CENPE: variants seen among roughly 807,000 people sequenced by gnomAD.
CENPE encodes the protein centromere-associated protein E.
Under a neutral mutation model 336.1 loss-of-function variants are expected in CENPE, and 145 were observed. The observed-to-expected ratio is 0.43, with a 90% CI of 0.38 to 0.50. The LOEUF is 0.50. Ranked by LOEUF, CENPE falls within the 20% of genes least tolerant of loss-of-function variation. CENPE has a pLI of 0.00. For synonymous variants in CENPE, 1,013 were observed against 984.8 expected (o/e 1.03, Z -0.54); for missense variants, 2,719 against 3,023.3 (o/e 0.90, Z 2.36).
At chr4:103,115,793 C>A (rs940204800) in intron 45 of CENPE, among the ~76,000 whole-genome samples, 2 of 146,786 alleles carry the variant, frequency 1.4e-5, no homozygotes, top group African/African-American at 5.1e-5. Flanking sequence ...TGCAGTGGTG[C>A]GATCTCGGCT....
At chr4:103,145,748 C>T in intron 30 of CENPE, 67 bp from the exon 31 acceptor site, 1 of 1,507,426 alleles carries the variant, frequency 6.6e-7, no homozygotes, top group Non-Finnish European at 8.9e-7. Context: ...GTAATTAACT[C>T]CCCTTTCCAA....
intron 44 of CENPE, among the ~76,000 whole-genome samples, chr4:103,118,081 C>T (rs899171138): frequency 2.6e-5 from 4 of 152,204 alleles, no homozygotes; most frequent in Non-Finnish European, 5.9e-5. Context: ...CTCAGCTCAT[C>T]TGAGTAAATA....
intron 42 of CENPE, among the ~76,000 whole-genome samples, chr4:103,127,421 G>A (rs183842560): frequency 6.6e-6 from 1 of 152,232 alleles, no homozygotes; most frequent in Admixed American, 6.5e-5. Flanking sequence ...TTTGCTGTCA[G>A]TAGACTGGTC....
chr4:103,184,804 T>C lies in CENPE; in HGVS notation c.745+1006A>G, dbSNP rs555431003. ...CTTTTTGGAATTTTCCTGGCTACTC[T>C]TGTCTGTTTTTATGTTTCCATACAA... On this transcript the variant is annotated intron_variant, in intron 9 of 48. Transcript: ENST00000265148. Among the ~76,000 whole-genome samples, 9 of 152,312 alleles carry C rather than the reference T, an allele frequency of 5.9e-5. No individual in the cohort carries two copies. The East Asian group carries it at 9.6e-4, about 16-fold the overall frequency.
rs1756312272 is a variant in CENPE, at chr4:103,181,362, A to G, written c.1058T>C (p.Met353Thr). The change falls in exon 12 of 49, where the codon ATG (methionine) becomes ACG (threonine). Residue 353 changes from methionine to threonine, a missense_variant. Physicochemically the swap from Met to Thr is moderately conservative, Grantham distance 81 (BLOSUM62 -1). This residue lies in a region of CENPE where 117 missense variants were observed against 215.8 expected (regional missense o/e 0.54). Coordinates refer to ENST00000265148, the MANE Select transcript of CENPE (RefSeq NM_001813.3). ...CTCCTCTAATTGTTTTTTAAGATCCATTATTTCTTTTCTATACCTTTTCAG... is the reference window on the plus strand; with the variant it reads ...CTCCTCTAATTGTTTTTTAAGATCCGTTATTTCTTTTCTATACCTTTTCAG... ...ALLKRYRKEI[M>T]DLKKQLEEVS... 3 of 1,545,668 alleles carry G rather than the reference A, an allele frequency of 1.9e-6. No individual in the cohort carries two copies. Among genetic ancestry groups the G allele is most frequent in the Non-Finnish European group, 2.6e-6 (3 of 1,138,512 alleles).
intron 47 of CENPE, among the ~76,000 whole-genome samples, chr4:103,109,459 T>C (rs902541800): frequency 7.9e-5 from 12 of 152,170 alleles, no homozygotes; most frequent in Non-Finnish European, 1.8e-4. Flanking sequence ...TAGATGAATC[T>C]TTGATGTACC....
chr4:103,116,063 A>G (rs774505763), intron 45 of CENPE, among the ~76,000 whole-genome samples: 11 of 152,152 alleles, frequency 7.2e-5, no homozygotes, highest in African/African-American at 1.2e-4. Flanking sequence ...TCATTATGCT[A>G]TACCACAAAG....
chr4:103,180,388 C>T lies in CENPE; in HGVS notation c.1165G>A (p.Val389Ile). ...AAGTTTTCAATTTTCTCATTCTGTA[C>T]TTTCTGAAGCAAATCTTTTTCTTCC... Reference protein sequence around the residue: ...LLEEKDLLQKVQNEKIENLTR... With the variant: ...LLEEKDLLQKIQNEKIENLTR... The change falls in exon 13 of 49, where the codon GTA becomes ATA. Residue 389 changes from valine to isoleucine, a missense_variant. Coordinates refer to ENST00000265148, the MANE Select transcript of CENPE (RefSeq NM_001813.3). 2 of 1,613,186 alleles carry T rather than the reference C, an allele frequency of 1.2e-6. No homozygotes were observed. Among genetic ancestry groups the T allele is most frequent in the Non-Finnish European group, 1.7e-6 (2 of 1,179,470 alleles).
chr4:103,188,244 A>G (rs1756978736), intron 8 of CENPE, among the ~76,000 whole-genome samples: 1 of 152,224 alleles, frequency 6.6e-6, no homozygotes, highest in Non-Finnish European at 1.5e-5. Context: ...AACGAGACAG[A>G]AAGTTAACAA....
intron 42 of CENPE, among the ~76,000 whole-genome samples, chr4:103,129,488 C>T (rs950198077): frequency 6.6e-6 from 1 of 152,074 alleles, no homozygotes; most frequent in African/African-American, 2.4e-5. Context: ...CCTGTAATCC[C>T]AGTACTTTGG....
At chr4:103,128,730 G>A (rs1352558906) in intron 42 of CENPE, among the ~76,000 whole-genome samples, 3 of 152,178 alleles carry the variant, frequency 2.0e-5, no homozygotes, top group African/African-American at 7.2e-5. Context: ...TAAAAGCAGT[G>A]TTTAGAGGAA....
intron 9 of CENPE, among the ~76,000 whole-genome samples, chr4:103,183,800 T>A (rs749831599): frequency 1.4e-4 from 21 of 151,950 alleles, no homozygotes; most frequent in Non-Finnish European, 2.6e-4. Flanking sequence ...TTAGTTTTTT[T>A]CTTTAGAGAT....
At chr4:103,148,711 A>C in intron 28 of CENPE, 133 bp downstream of exon 28, 1 of 788,682 alleles carries the variant, frequency 1.3e-6, no homozygotes, top group South Asian at 1.8e-5. Flanking sequence ...TGTGCCTGCC[A>C]CATTAAACAC....
rs899362631 is a variant in CENPE, at chr4:103,198,215, G to T, written c.56+49C>A. 19 of 1,535,374 alleles carry T rather than the reference G, an allele frequency of 1.2e-5. No individual in the cohort carries two copies. The Admixed American group carries it at 3.8e-4, about 30-fold the overall frequency. On this transcript the variant is annotated intron_variant, in intron 1 of 48. Transcript: ENST00000265148. ...GTAGGCCTCGCCCCTCCGGCTCAGGGCGGCGCCGCAGGCCCAGCGGGCACC... is the reference window on the plus strand; with the variant it reads ...GTAGGCCTCGCCCCTCCGGCTCAGGTCGGCGCCGCAGGCCCAGCGGGCACC...
At chr4:103,149,493 T>TTTATATGCTGATAGGAGG in intron 26 of CENPE, 85 bp from the exon 27 acceptor site, 1 of 1,181,056 alleles carries the variant, frequency 8.5e-7, no homozygotes, top group Non-Finnish European at 1.2e-6. Flanking sequence ...TTGCCTCCTA[T>TTTATATGCTGATAGGAGG]CAGCATATAA....
intron 18 of CENPE, among the ~76,000 whole-genome samples, chr4:103,162,097 C>T (rs1339173275): frequency 6.6e-6 from 1 of 151,832 alleles, no homozygotes; most frequent in East Asian, 1.9e-4. Flanking sequence ...GTTCTGCTTG[C>T]CACGCTATGA....
chr4:103,122,813 G>C (rs922601751), intron 43 of CENPE, 58 bp downstream of exon 43: 5 of 1,251,194 alleles, frequency 4.0e-6, no homozygotes, highest in Admixed American at 1.7e-5. Flanking sequence ...CTATAATTTT[G>C]CTCTAAACTC....
chr4:103,109,512 A>G (rs1358405367), intron 47 of CENPE, among the ~76,000 whole-genome samples: 3 of 152,152 alleles, frequency 2.0e-5, no homozygotes, highest in Non-Finnish European at 4.4e-5. Context: ...TTTTCTAGTT[A>G]CAATGCTGCT....
chr4:103,188,725 T>C (rs1481305114), intron 8 of CENPE, among the ~76,000 whole-genome samples: 1 of 151,876 alleles, frequency 6.6e-6, no homozygotes, highest in Non-Finnish European at 1.5e-5. Context: ...ACATCACAAT[T>C]AAAAGAACTA....
Sources: allele counts gnomAD v4.1 joint callset (sites outside exome capture counted in the v4.1 genomes callset), GRCh38; gene constraint gnomAD v4.1.1; regional missense constraint gnomAD v4.1.1; transcripts MANE v1.5; gene names NCBI Gene and HGNC (gene_info 2026-07-23, HGNC 2026-07-21).